The following C12orf42 variants were observed in gnomAD, a reference collection of about 807,000 sequenced individuals.
C12orf42 encodes the protein chromosome 12 open reading frame 42, also known as uncharacterized protein C12orf42.
C12orf42 carries 25 observed loss-of-function variants against 21.6 expected under a neutral mutation model. The observed-to-expected ratio is 1.16, with a 90% confidence interval of 0.84 to 1.62. The LOEUF is 1.62. C12orf42 is among the 40% of genes most tolerant of loss of function. C12orf42 has a pLI of 0.00. For synonymous variants in C12orf42, 174 were observed against 175.0 expected, an observed-to-expected ratio of 0.99 and a Z score of 0.05; for missense variants, 483 against 459.3, an observed-to-expected ratio of 1.05 and a Z score of -0.47.
At chr12:103,182,171 T>G in the C12orf42 span, among the ~76,000 whole-genome samples, 2 of 152,142 alleles carry the variant, frequency 1.3e-5, no homozygotes, top group South Asian at 4.1e-4. Context: ...ACTTGCTCAC[T>G]CCCAATAGCA....
chr12:103,560,351 T>C, the C12orf42 span, among the ~76,000 whole-genome samples: 4 of 152,106 alleles, frequency 2.6e-5, no homozygotes, highest in African/African-American at 9.7e-5. Context: ...GGATGCAAGA[T>C]CAGGCTCTGA....
chr12:103,417,116 C>A (rs1001512633), intron 2 of C12orf42, among the ~76,000 whole-genome samples: 2 of 152,162 alleles, frequency 1.3e-5, no homozygotes, highest in African/African-American at 4.8e-5. Flanking sequence ...AGACAGTCAA[C>A]ATTGAACATA....
chr12:103,184,715 C>G, the C12orf42 span, among the ~76,000 whole-genome samples: 1 of 50,260 alleles, frequency 2.0e-5, no homozygotes, highest in African/African-American at 5.7e-5. Context: ...ATTGTCACCC[C>G]CCCCCCCCCA....
At chr12:103,147,503 CT>C in the C12orf42 span, among the ~76,000 whole-genome samples, 36,706 of 100,194 alleles carry the variant, frequency 0.37, 4,513 homozygotes, top group African/African-American at 0.51. Flanking sequence ...CTTTTTTTTT[CT>C]TTTTTTTTTT....
chr12:103,465,803 T>C (rs1953078807), intron 2 of C12orf42, among the ~76,000 whole-genome samples: 1 of 152,178 alleles, frequency 6.6e-6, no homozygotes, highest in African/African-American at 2.4e-5. Flanking sequence ...GTTTTTAACA[T>C]GAAGGGATGT....
At chr12:103,268,930 T>C (rs2035305333) in exon 7 of C12orf42, 1 of 152,098 alleles carries the variant, frequency 6.6e-6, no homozygotes, top group Non-Finnish European at 1.5e-5. Flanking sequence ...TTGTTTTCTT[T>C]CAAGAAGGCA....
chr12:103,140,460 C>T, the C12orf42 span, among the ~76,000 whole-genome samples: 4 of 152,112 alleles, frequency 2.6e-5, no homozygotes, highest in Non-Finnish European at 4.4e-5. Flanking sequence ...AATTCATGAG[C>T]GTCCCATGCC....
chr12:103,497,964 G>A (rs1396731973), upstream of C12orf42, among the ~76,000 whole-genome samples: 1 of 152,090 alleles, frequency 6.6e-6, no homozygotes, highest in Non-Finnish European at 1.5e-5. Context: ...GAACCTGTGA[G>A]GCAGAGGTTG....
At chr12:103,455,797 T>C (rs923167201) in intron 2 of C12orf42, among the ~76,000 whole-genome samples, 1 of 152,146 alleles carries the variant, frequency 6.6e-6, no homozygotes, top group Non-Finnish European at 1.5e-5. Context: ...TCTAAAACAT[T>C]TGCTTGTTTT....
the C12orf42 span, among the ~76,000 whole-genome samples, chr12:103,153,401 G>C: frequency 6.6e-6 from 1 of 152,102 alleles, no homozygotes; most frequent in Non-Finnish European, 1.5e-5. Context: ...AACCTACAGA[G>C]TGGGAGAAGA....
chr12:103,483,055 T>C (rs1206067815), intron 1 of C12orf42, among the ~76,000 whole-genome samples: 1 of 152,234 alleles, frequency 6.6e-6, no homozygotes, highest in African/African-American at 2.4e-5. Context: ...ATCAAAAATC[T>C]ATGCAGGTCT....
chr12:103,101,837 T>G, the C12orf42 span, among the ~76,000 whole-genome samples: 1 of 152,212 alleles, frequency 6.6e-6, no homozygotes, highest in African/African-American at 2.4e-5. Flanking sequence ...GTGTCTGTGG[T>G]CAGCTGTCTG....
intron 4 of C12orf42, among the ~76,000 whole-genome samples, chr12:103,334,899 GCC>G (rs1365456240): frequency 6.6e-6 from 1 of 152,182 alleles, no homozygotes; most frequent in Non-Finnish European, 1.5e-5. Context: ...GGAGTTGAAT[GCC>G]TATACATTAA....
intron 10 of C12orf42, among the ~76,000 whole-genome samples, chr12:103,260,903 C>G (rs1362750400): frequency 6.6e-6 from 1 of 152,086 alleles, no homozygotes; most frequent in Non-Finnish European, 1.5e-5. Flanking sequence ...TCTTAGTTGT[C>G]CCCTGAGTAG....
chr12:103,100,472 T>C, the C12orf42 span, among the ~76,000 whole-genome samples: 1 of 152,254 alleles, frequency 6.6e-6, no homozygotes, highest in Non-Finnish European at 1.5e-5. Context: ...AGTTGCAACG[T>C]GTGGCACCGG....
chr12:103,166,063 AAGAG>A, the C12orf42 span, among the ~76,000 whole-genome samples: 3 of 149,054 alleles, frequency 2.0e-5, no homozygotes, highest in African/African-American at 5.0e-5. Context: ...AGAAAAAAGA[AAGAG>A]AGAGAGAGAG....
At chr12:103,222,150 G>C in the C12orf42 span, among the ~76,000 whole-genome samples, 1 of 152,152 alleles carries the variant, frequency 6.6e-6, no homozygotes, top group Non-Finnish European at 1.5e-5. Flanking sequence ...CACCAAACAC[G>C]CTTTGTGTGA....
Position 103,348,060 on chromosome 12 carries a change from A to C in C12orf42, c.259+20827T>G, listed in dbSNP as rs72487507. 0.013 allele frequency among the ~76,000 whole-genome samples: 1,980 copies of C among 152,316 alleles called. 127 individuals carry two copies. The East Asian group carries it at 0.22, about 17-fold the overall frequency. ...TCACAGGGAGAAACGAAATATATCA[A>C]TATATCAATAAAACAAAATAAAAAC... is the stretch of plus-strand genomic sequence containing the variant. On this transcript the variant is annotated intron_variant, in intron 4 of 5. Coordinates refer to ENST00000548883, the MANE Select transcript of C12orf42 (RefSeq NM_198521.5).
intron 5 of C12orf42, 51 bp downstream of exon 5, chr12:103,305,923 A>G (rs1391851406): frequency 5.8e-6 from 9 of 1,545,692 alleles, no homozygotes; most frequent in Non-Finnish European, 7.8e-6. Context: ...TTAAAAACAA[A>G]ATGTGACCAG....
Sources: allele counts gnomAD v4.1 joint callset (sites outside exome capture counted in the v4.1 genomes callset), GRCh38; gene constraint gnomAD v4.1.1; transcripts MANE v1.5; gene names NCBI Gene and HGNC (gene_info 2026-07-23, HGNC 2026-07-21).